PRKCH: variants seen among roughly 807,000 people sequenced by gnomAD.
The protein encoded by PRKCH is protein kinase C eta type.
A neutral mutation model predicts 82.5 loss-of-function variants in PRKCH; 28 were observed. The ratio of observed to expected loss-of-function variants is 0.34; its 90% confidence interval spans 0.25 to 0.47. The LOEUF is 0.47. PRKCH is among the 20% of genes least tolerant of loss of function. PRKCH has a pLI of 1.00. For synonymous variants in PRKCH, 322 were observed against 327.4 expected (o/e 0.98, Z 0.18); for missense variants, 705 against 881.8 (o/e 0.80, Z 2.54).
rs1415003384 is a variant in PRKCH at position 61,216,965 on chromosome 14, G to T, written c.-19+29297G>T. Among the ~76,000 whole-genome samples the T allele has an allele frequency of 3.3e-5, 5 of 152,246 alleles. No individual in the cohort carries two copies. In the East Asian group the frequency reaches 9.6e-4, roughly 29 times the overall value. On this transcript the variant is annotated intron_variant, in intron 1 of 3. Transcript: ENST00000555185. ...CTGTGTCTTTCTGGAACTCTTTCTGGAGCCCTTGATCTATACCTTAATCTG... is the reference window on the plus strand; with the variant it reads ...CTGTGTCTTTCTGGAACTCTTTCTGTAGCCCTTGATCTATACCTTAATCTG...
chr14:61,397,776 G>C (rs117541750), intron 2 of PRKCH, among the ~76,000 whole-genome samples: 3,076 of 152,288 alleles, frequency 0.02, 72 homozygotes, highest in East Asian at 0.075. Flanking sequence ...AGTAATGTTT[G>C]CATTGGTGGT....
At chr14:61,505,395 C>CTTTTCTTTTTTTTTTTTT (rs762878496) in intron 10 of PRKCH, among the ~76,000 whole-genome samples, 1 of 55,738 alleles carries the variant, frequency 1.8e-5, no homozygotes, top group East Asian at 7.8e-4. Context: ...CTTTTCTTTT[C>CTTTTCTTTTTTTTTTTTT]TTTTTTTTTT....
chr14:61,426,028 G>A (rs1469815340), intron 2 of PRKCH, among the ~76,000 whole-genome samples: 1 of 152,162 alleles, frequency 6.6e-6, no homozygotes, highest in Non-Finnish European at 1.5e-5. Context: ...GGCCTTTCCA[G>A]CCATGTGTAA....
intron 1 of PRKCH, among the ~76,000 whole-genome samples, chr14:61,233,185 C>T (rs1424112194): frequency 2.6e-5 from 4 of 152,076 alleles, no homozygotes; most frequent in South Asian, 2.1e-4. Flanking sequence ...GTTCCAAAAG[C>T]CAGAGTGTCA....
chr14:61,499,580 T>C (rs2139947295), intron 10 of PRKCH, among the ~76,000 whole-genome samples: 1 of 152,258 alleles, frequency 6.6e-6, no homozygotes, highest in Non-Finnish European at 1.5e-5. Flanking sequence ...ACGTACAGAA[T>C]TGCTGCTCTA....
rs1443560105 is a variant in PRKCH, at chr14:61,267,548, G to C, written c.-19+79880G>C. Among the ~76,000 whole-genome samples, 3 of 152,180 alleles carry C rather than the reference G, an allele frequency of 2.0e-5. No individual in the cohort carries two copies. In the East Asian group the frequency reaches 5.8e-4, roughly 29 times the overall value. On this transcript the variant is annotated intron_variant, in intron 1 of 3. Transcript: ENST00000555185. ...CTGAATCCAATAATTATAGTGAGAT[G>C]CTGAAGGCTGAGGAGCTGATTCATG...
intron 10 of PRKCH, chr14:61,528,133 AT>A (rs1405976667): frequency 8.1e-6 from 1 of 123,016 alleles, no homozygotes; most frequent in African/African-American, 3.0e-5. Flanking sequence ...TGTATATGAA[AT>A]ATATATCTAT....
At position 61,280,078 on chromosome 14, in the gene PRKCH, C is replaced by T. The variant is rs777131357; in HGVS notation, c.-19+92410C>T. 7 of 1,593,942 alleles carry T rather than the reference C, an allele frequency of 4.4e-6. No homozygotes were observed. The South Asian group carries it at 5.7e-5, about 13-fold the overall frequency. On this transcript the variant is annotated intron_variant, in intron 1 of 3. Transcript: ENST00000555185. This position sits in a 1 kb window ranked among gnomAD's most constrained non-coding sequence, Gnocchi z 5.0. ...TTTTGGCAAGAAGCAGGAGGGATCC[C>T]TGGAAAGCCGGAATCACTCCTCGTC... is the stretch of plus-strand genomic sequence containing the variant.
chr14:61,442,950 C>T (rs1297277263), intron 2 of PRKCH, among the ~76,000 whole-genome samples, 161 bp from the exon 3 acceptor site: 1 of 151,834 alleles, frequency 6.6e-6, no homozygotes, highest in African/African-American at 2.4e-5. Context: ...AGTAAAGAGT[C>T]CTGTTAGGAA....
intron 1 of PRKCH, among the ~76,000 whole-genome samples, chr14:61,217,429 GATAAAAA>G (rs1291829347): frequency 3.3e-5 from 5 of 151,996 alleles, no homozygotes; most frequent in Admixed American, 6.6e-5. Context: ...AAATAAATAA[GATAAAAA>G]ATAAAAGAGA....
intron 1 of PRKCH, among the ~76,000 whole-genome samples, chr14:61,370,272 T>C (rs561070827): frequency 6.6e-6 from 1 of 152,226 alleles, no homozygotes; most frequent in Admixed American, 6.5e-5. Context: ...CTGAGAACCC[T>C]AATACATAAA....
At chr14:61,282,924 G>A (rs1334832811) in intron 1 of PRKCH, among the ~76,000 whole-genome samples, 1 of 151,896 alleles carries the variant, frequency 6.6e-6, no homozygotes, top group African/African-American at 2.4e-5. Flanking sequence ...TTCAATAAAA[G>A]AATAAATAGT....
At chr14:61,451,194 A>G (rs758283484) in intron 6 of PRKCH, among the ~76,000 whole-genome samples, 10 of 152,264 alleles carry the variant, frequency 6.6e-5, no homozygotes, top group Non-Finnish European at 1.5e-4. Context: ...GTCAAATGGT[A>G]TATTCAGTGA....
At chr14:61,345,378 A>G (rs900565213) in intron 1 of PRKCH, among the ~76,000 whole-genome samples, 2 of 152,232 alleles carry the variant, frequency 1.3e-5, no homozygotes, top group African/African-American at 2.4e-5. Flanking sequence ...CAAAACAACT[A>G]CCACAAAATT....
chr14:61,396,764 G>A lies in PRKCH; in HGVS notation c.427+5476G>A, dbSNP rs112067407. On this transcript the variant is annotated intron_variant, in intron 2 of 13. Transcript: ENST00000332981. Reference sequence around the variant, plus strand: ...AGGAGTGTGGAGGTGCTAAAGGTAGGGGGTGTGGAGGTGCTGAAGATTGGG... The same window carrying A: ...AGGAGTGTGGAGGTGCTAAAGGTAGAGGGTGTGGAGGTGCTGAAGATTGGG... 7.4e-3 allele frequency among the ~76,000 whole-genome samples: 1,123 copies of A among 152,260 alleles called. 13 individuals are homozygous for A. The highest frequency in any genetic ancestry group is 0.025 in the African/African-American group (1,051 of 41,550).
At chr14:61,363,207 A>G (rs2046253070) in intron 1 of PRKCH, among the ~76,000 whole-genome samples, 1 of 152,338 alleles carries the variant, frequency 6.6e-6, no homozygotes, top group East Asian at 1.9e-4. Flanking sequence ...TGAAAAGCCA[A>G]GTATACTCTA....
upstream of PRKCH, among the ~76,000 whole-genome samples, chr14:61,317,685 C>T (rs895660720): frequency 1.2e-4 from 18 of 152,148 alleles, no homozygotes; most frequent in African/African-American, 4.1e-4. Flanking sequence ...TACCTGGACA[C>T]CACATCTTCC....
intron 1 of PRKCH, among the ~76,000 whole-genome samples, chr14:61,378,552 G>T (rs567811463): frequency 6.6e-6 from 1 of 152,100 alleles, no homozygotes; most frequent in Admixed American, 6.5e-5. Context: ...AGTTGAGACC[G>T]CATTGGGTTG....
chr14:61,484,291 C>CTTTTTTT (rs71449556), intron 9 of PRKCH, among the ~76,000 whole-genome samples: 33 of 86,402 alleles, frequency 3.8e-4, no homozygotes, highest in African/African-American at 1.3e-3. Flanking sequence ...GCTTGTGTCA[C>CTTTTTTT]TTTTTTTTTT....
Sources: allele counts gnomAD v4.1 joint callset (sites outside exome capture counted in the v4.1 genomes callset), GRCh38; gene constraint gnomAD v4.1.1; non-coding constraint Gnocchi (gnomAD v3.1); transcripts MANE v1.5; gene names NCBI Gene and HGNC (gene_info 2026-07-23, HGNC 2026-07-21).